PCDH9: variants seen among roughly 807,000 people sequenced by gnomAD.
PCDH9 encodes the protein protocadherin 9.
Under a neutral mutation model 70.6 loss-of-function variants are expected in PCDH9, and 24 were observed. That is an observed-to-expected ratio of 0.34 (90% CI 0.25 to 0.48). The LOEUF (loss-of-function observed/expected upper bound fraction) is 0.48, where lower values mean the gene tolerates loss of function less well. PCDH9 is among the 20% of genes least tolerant of loss of function. PCDH9 has a pLI of 0.99. For missense variants in PCDH9, 1,281 were observed against 1,503.6 expected, an observed-to-expected ratio of 0.85 and a Z score of 2.45; for synonymous variants, 562 against 558.5, an observed-to-expected ratio of 1.01 and a Z score of -0.09.
At chr13:67,055,404 T>C (rs962167146) in intron 2 of PCDH9, among the ~76,000 whole-genome samples, 63 of 152,300 alleles carry the variant, frequency 4.1e-4, no homozygotes, top group African/African-American at 1.4e-3. Flanking sequence ...TCAGTAGTCA[T>C]ACAATTCACA....
chr13:66,433,441 C>T (rs1957809910), intron 4 of PCDH9, among the ~76,000 whole-genome samples: 1 of 150,364 alleles, frequency 6.7e-6, no homozygotes, highest in South Asian at 2.1e-4. Flanking sequence ...AGAAAACCTT[C>T]CTTTTTTTTC....
intron 2 of PCDH9, among the ~76,000 whole-genome samples, chr13:67,152,088 A>G (rs1379683127): frequency 2.0e-5 from 3 of 152,212 alleles, no homozygotes; most frequent in African/African-American, 7.2e-5. Context: ...AAGAACTTAC[A>G]AGACTTTTTG....
chr13:66,938,921 T>C (rs1347598552), intron 2 of PCDH9, among the ~76,000 whole-genome samples: 1 of 152,184 alleles, frequency 6.6e-6, no homozygotes, highest in Non-Finnish European at 1.5e-5. Context: ...TTGCATGGTT[T>C]ATATTATGTA....
At chr13:67,127,410 A>G (rs2138317622) in intron 2 of PCDH9, among the ~76,000 whole-genome samples, 1 of 152,150 alleles carries the variant, frequency 6.6e-6, no homozygotes, top group Admixed American at 6.5e-5. Flanking sequence ...TCCTGTTGTG[A>G]CTGGTCTTGC....
intron 4 of PCDH9, among the ~76,000 whole-genome samples, chr13:66,484,838 T>A (rs1380214714): frequency 6.6e-6 from 1 of 152,212 alleles, no homozygotes; most frequent in African/African-American, 2.4e-5. Flanking sequence ...TGTGCATATC[T>A]CTCTGGCTTG....
At chr13:67,156,041 T>C (rs2087802402) in intron 2 of PCDH9, among the ~76,000 whole-genome samples, 2 of 152,066 alleles carry the variant, frequency 1.3e-5, no homozygotes, top group Non-Finnish European at 2.9e-5. Flanking sequence ...ACAGGAGTGC[T>C]GGGAAGGCAA....
At chr13:67,065,162 C>T (rs376327735) in intron 2 of PCDH9, among the ~76,000 whole-genome samples, 13 of 152,060 alleles carry the variant, frequency 8.5e-5, no homozygotes, top group East Asian at 7.7e-4. Flanking sequence ...TGATGTTAAT[C>T]ATGCATTCCA....
At chr13:66,768,025 G>A (rs1227937888) in intron 3 of PCDH9, among the ~76,000 whole-genome samples, 3 of 152,028 alleles carry the variant, frequency 2.0e-5, no homozygotes, top group African/African-American at 7.2e-5. Context: ...GATGAGGATT[G>A]AGCAAGCTCT....
chr13:66,391,182 TA>T (rs1957010691), intron 4 of PCDH9, among the ~76,000 whole-genome samples: 1 of 152,238 alleles, frequency 6.6e-6, no homozygotes, highest in Non-Finnish European at 1.5e-5. Flanking sequence ...TGTAAAATGA[TA>T]AAAAGGAAAA....
intron 4 of PCDH9, among the ~76,000 whole-genome samples, chr13:66,573,051 A>G (rs145454926): frequency 1.2e-3 from 189 of 152,288 alleles, no homozygotes; most frequent in Admixed American, 3.8e-3. Context: ...AATACAAACA[A>G]CAGTATACTA....
At chr13:66,929,681 C>G (rs532017889) in intron 2 of PCDH9, among the ~76,000 whole-genome samples, 3 of 152,230 alleles carry the variant, frequency 2.0e-5, no homozygotes, top group Admixed American at 2.0e-4. Flanking sequence ...TACACAAAAA[C>G]ACTCGTTCCT....
intron 2 of PCDH9, among the ~76,000 whole-genome samples, chr13:67,066,009 T>C (rs2085640026): frequency 6.6e-6 from 1 of 152,174 alleles, no homozygotes; most frequent in South Asian, 2.1e-4. Flanking sequence ...TTCTGGATAA[T>C]ATGGCTTTAA....
intron 2 of PCDH9, chr13:67,209,940 G>T (rs2089435585): frequency 6.6e-6 from 1 of 151,990 alleles, no homozygotes; most frequent in South Asian, 2.1e-4. Flanking sequence ...TAAAATCAGT[G>T]GGCACCATTT....
At chr13:67,176,188 A>G (rs2088448504) in intron 2 of PCDH9, among the ~76,000 whole-genome samples, 1 of 152,222 alleles carries the variant, frequency 6.6e-6, no homozygotes, top group Non-Finnish European at 1.5e-5. Flanking sequence ...AAAGAAAGAC[A>G]GAAGATGGAT....
intron 4 of PCDH9, among the ~76,000 whole-genome samples, chr13:66,345,469 G>A (rs1956198634): frequency 6.6e-6 from 1 of 151,998 alleles, no homozygotes; most frequent in African/African-American, 2.4e-5. Context: ...CAATCACTGA[G>A]CTATCAAAGG....
chr13:67,083,012 A>T (rs1321861599), intron 2 of PCDH9, among the ~76,000 whole-genome samples: 1 of 152,194 alleles, frequency 6.6e-6, no homozygotes, highest in Non-Finnish European at 1.5e-5. Flanking sequence ...ATAAGTATTC[A>T]AATTAGATTA....
intron 2 of PCDH9, among the ~76,000 whole-genome samples, chr13:67,177,894 T>A (rs1362100024): frequency 1.3e-5 from 2 of 152,120 alleles, no homozygotes; most frequent in African/African-American, 2.4e-5. Context: ...ACTACACAAT[T>A]TTTTTCAAAA....
chr13:66,364,900 A>C (rs1956528861), intron 4 of PCDH9, among the ~76,000 whole-genome samples: 1 of 152,148 alleles, frequency 6.6e-6, no homozygotes, highest in African/African-American at 2.4e-5. Flanking sequence ...AGTCAAATAG[A>C]GGCTCTGATG....
intron 4 of PCDH9, among the ~76,000 whole-genome samples, chr13:66,459,548 T>C (rs912330657): frequency 1.3e-5 from 2 of 151,822 alleles, no homozygotes; most frequent in African/African-American, 4.8e-5. Context: ...TCTGGAGTGC[T>C]TAAAAATGTA....
Sources: allele counts gnomAD v4.1 joint callset (sites outside exome capture counted in the v4.1 genomes callset), GRCh38; gene constraint gnomAD v4.1.1; transcripts MANE v1.5; gene names NCBI Gene and HGNC (gene_info 2026-07-23, HGNC 2026-07-21).